GABRG3: variants seen among roughly 807,000 people sequenced by gnomAD.
GABRG3 encodes the protein gamma-aminobutyric acid receptor subunit gamma-3.
Under a neutral mutation model 48.8 loss-of-function variants are expected in GABRG3, and 25 were observed. The observed-to-expected ratio is 0.51, with a 90% CI of 0.37 to 0.72. GABRG3 has a LOEUF of 0.72. Among genes scored for constraint, GABRG3 ranks in the 30% least tolerant of loss-of-function variants. The probability of loss-of-function intolerance (pLI) is 0.00; values close to 1 mark genes in which losing one functional copy is unlikely to be tolerated. For synonymous variants in GABRG3, 227 were observed against 217.6 expected, an observed-to-expected ratio of 1.04 and a Z score of -0.38; for missense variants, 394 against 577.9, an observed-to-expected ratio of 0.68 and a Z score of 3.26.
chr15:27,395,513 G>A (rs371749037), intron 5 of GABRG3, among the ~76,000 whole-genome samples: 176 of 152,302 alleles, frequency 1.2e-3, no homozygotes, highest in African/African-American at 4.0e-3. Context: ...CAGTAATCTT[G>A]AAAGTCTTAT....
At chr15:27,052,143 C>T (rs1194474748) in intron 3 of GABRG3, among the ~76,000 whole-genome samples, 2 of 152,132 alleles carry the variant, frequency 1.3e-5, no homozygotes, top group African/African-American at 2.4e-5. Context: ...GCGTTGGGGC[C>T]CCCTGATCTA....
intron 3 of GABRG3, among the ~76,000 whole-genome samples, chr15:27,153,946 G>A (rs1595554971): frequency 6.6e-6 from 1 of 152,122 alleles, no homozygotes. Context: ...AATTTTAGAT[G>A]AAAGGAAGAC....
intron 5 of GABRG3, among the ~76,000 whole-genome samples, chr15:27,386,728 T>A (rs1024235745): frequency 3.3e-5 from 5 of 152,224 alleles, no homozygotes; most frequent in Non-Finnish European, 7.3e-5. Context: ...GACTCCGCTG[T>A]TTATAACCAG....
chr15:27,359,962 T>G (rs1450632173), intron 5 of GABRG3, among the ~76,000 whole-genome samples: 2 of 152,194 alleles, frequency 1.3e-5, no homozygotes, highest in Admixed American at 6.5e-5. Context: ...ATTGAACATG[T>G]GGTTTTTGAG....
chr15:27,235,704 C>A (rs914827913), intron 3 of GABRG3, among the ~76,000 whole-genome samples: 1 of 152,030 alleles, frequency 6.6e-6, no homozygotes, highest in African/African-American at 2.4e-5. Context: ...GGCAATAAAC[C>A]AGAGAAATGA....
At chr15:27,495,622 G>C (rs949385217) in intron 6 of GABRG3, among the ~76,000 whole-genome samples, 1 of 152,148 alleles carries the variant, frequency 6.6e-6, no homozygotes, top group Non-Finnish European at 1.5e-5. Context: ...CACAATTCAT[G>C]TTCAATTCAT....
At chr15:27,216,740 T>TATTA (rs1889260065) in intron 3 of GABRG3, among the ~76,000 whole-genome samples, 1 of 127,184 alleles carries the variant, frequency 7.9e-6, no homozygotes, top group African/African-American at 3.2e-5. Context: ...TTTCTTTTTT[T>TATTA]TTTTTTATTT....
At chr15:27,034,095 A>G (rs1274162423) in intron 3 of GABRG3, among the ~76,000 whole-genome samples, 2 of 152,232 alleles carry the variant, frequency 1.3e-5, no homozygotes, top group East Asian at 3.8e-4. Context: ...CATCTAACTC[A>G]CCATGACTTC....
At chr15:27,445,197 G>T (rs1273898143) in intron 5 of GABRG3, among the ~76,000 whole-genome samples, 1 of 152,126 alleles carries the variant, frequency 6.6e-6, no homozygotes, top group Non-Finnish European at 1.5e-5. Flanking sequence ...ATGTAGACAT[G>T]TTTTTATTTT....
chr15:27,092,134 T>C (rs768901093), intron 3 of GABRG3, among the ~76,000 whole-genome samples: 9 of 152,178 alleles, frequency 5.9e-5, no homozygotes. Flanking sequence ...CTCTCTCACC[T>C]GGCCCTCTAC....
At chr15:27,022,388 C>T (rs1286309437) in intron 2 of GABRG3, among the ~76,000 whole-genome samples, 1 of 152,154 alleles carries the variant, frequency 6.6e-6, no homozygotes, top group Non-Finnish European at 1.5e-5. Context: ...TATTAAATAA[C>T]ATCTGTGCCC....
chr15:27,258,053 A>C (rs1258002016), intron 3 of GABRG3, among the ~76,000 whole-genome samples: 3 of 152,146 alleles, frequency 2.0e-5, no homozygotes, highest in African/African-American at 7.2e-5. Context: ...TGGATTCCCC[A>C]CAGCTTCCTT....
At chr15:27,172,401 G>A (rs1436292270) in intron 3 of GABRG3, among the ~76,000 whole-genome samples, 5 of 152,016 alleles carry the variant, frequency 3.3e-5, no homozygotes, top group East Asian at 1.9e-4. Context: ...TCAGGACTGG[G>A]CTCTACGCTG....
chr15:27,262,818 C>T (rs1033094607), intron 3 of GABRG3, among the ~76,000 whole-genome samples: 1 of 152,208 alleles, frequency 6.6e-6, no homozygotes, highest in African/African-American at 2.4e-5. Context: ...AAAATAAATA[C>T]ATTTTTTTAA....
At chr15:27,309,769 A>C (rs1030050031) in intron 3 of GABRG3, among the ~76,000 whole-genome samples, 5 of 152,088 alleles carry the variant, frequency 3.3e-5, no homozygotes, top group African/African-American at 9.7e-5. Context: ...GTTTCTTATA[A>C]ATGCTAATCT....
At chr15:27,117,401 T>C (rs975255190) in intron 3 of GABRG3, among the ~76,000 whole-genome samples, 5 of 151,786 alleles carry the variant, frequency 3.3e-5, no homozygotes, top group African/African-American at 1.2e-4. Context: ...GAGAAGTGAG[T>C]CCTCTCTGTG....
intron 6 of GABRG3, among the ~76,000 whole-genome samples, chr15:27,483,998 G>A (rs146795354): frequency 5.3e-5 from 8 of 152,134 alleles, no homozygotes; most frequent in Admixed American, 2.0e-4. Context: ...GCAATGGCAC[G>A]ATCTCGACTC....
At chr15:27,193,872 C>T (rs1005522843) in intron 3 of GABRG3, among the ~76,000 whole-genome samples, 11 of 151,660 alleles carry the variant, frequency 7.3e-5, no homozygotes, top group South Asian at 2.1e-4. Flanking sequence ...GCTCCTCCCC[C>T]GCTTCGATGT....
chr15:27,264,995 C>A (rs950118371), intron 3 of GABRG3, among the ~76,000 whole-genome samples: 1 of 152,136 alleles, frequency 6.6e-6, no homozygotes, highest in African/African-American at 2.4e-5. Flanking sequence ...TACAATTAAC[C>A]CTAGTTCTCA....
Sources: gnomAD v4.1 joint callset for allele counts (sites outside exome capture counted in the v4.1 genomes callset) on GRCh38, gnomAD v4.1.1 for gene constraint, MANE v1.5 for transcripts, NCBI Gene and HGNC (gene_info 2026-07-23, HGNC 2026-07-21) for gene names.